Variants in SYT16 observed in about 807,000 individuals in gnomAD.
The protein encoded by SYT16 is synaptotagmin-16.
Under a neutral mutation model 61.4 loss-of-function variants are expected in SYT16, and 42 were observed. The observed-to-expected ratio is 0.68, with a 90% confidence interval of 0.53 to 0.89. The LOEUF (loss-of-function observed/expected upper bound fraction) is 0.89. Ranked by LOEUF, SYT16 falls within the 40% of genes least tolerant of loss-of-function variation. SYT16 has a pLI of 0.00. For missense variants in SYT16, 804 were observed against 807.3 expected, an observed-to-expected ratio of 1.00 and a Z score of 0.05; for synonymous variants, 314 against 302.3, an observed-to-expected ratio of 1.04 and a Z score of -0.40.
intron 1 of SYT16, among the ~76,000 whole-genome samples, chr14:61,906,996 C>T (rs1356084100): frequency 6.6e-6 from 1 of 152,100 alleles, no homozygotes; most frequent in Non-Finnish European, 1.5e-5. Context: ...TTATTCATAC[C>T]CTGTGCTAGA....
chr14:61,925,452 AT>A (rs998706125), intron 1 of SYT16, among the ~76,000 whole-genome samples: 81 of 152,212 alleles, frequency 5.3e-4, no homozygotes, highest in African/African-American at 1.8e-3. Context: ...GTGTATTAGC[AT>A]TTGCTTTTAA....
intron 3 of SYT16, among the ~76,000 whole-genome samples, chr14:62,054,116 A>C (rs1434292985): frequency 6.6e-6 from 1 of 152,208 alleles, no homozygotes; most frequent in East Asian, 1.9e-4. Flanking sequence ...TCTTGTCAGC[A>C]TGTGTGTGAT....
rs2057606304 is a variant in SYT16 at position 62,111,407 on chromosome 14, T to C, written c.*10700T>C. On this transcript the variant is annotated 3_prime_UTR_variant, in exon 8 of 8. Transcript: ENST00000683842. ...TACTCACAGCTGGATGCTGCAGATG[T>C]ATTAACATTGTAAACATGTACTTTT... The C allele has an allele frequency of 6.6e-6, 1 of 152,130 alleles. No homozygotes were observed. Among genetic ancestry groups the C allele is most frequent in the Non-Finnish European group, 1.5e-5 (1 of 67,964 alleles). The allele number at this position is 152,130 out of a possible 1,614,324, so 9.4% of individuals were successfully genotyped here.
intron 1 of SYT16, among the ~76,000 whole-genome samples, chr14:61,914,123 T>C (rs1006805095): frequency 1.3e-5 from 2 of 152,260 alleles, no homozygotes; most frequent in East Asian, 3.9e-4. Context: ...GAGTTATAAT[T>C]TGTTCAGTTT....
chr14:61,839,707 T>C (rs1830309926), intron 1 of SYT16, among the ~76,000 whole-genome samples: 2 of 152,170 alleles, frequency 1.3e-5, no homozygotes, highest in Non-Finnish European at 2.9e-5. Context: ...TTTGACCTCA[T>C]TTGAAAAGCC....
In SYT16 at chr14:61,996,373, C is replaced by T. The variant is rs897781206; in HGVS notation, c.354C>T (p.Ser118=). 1 of 1,613,436 alleles carries T rather than the reference C, an allele frequency of 6.2e-7. No individual in the cohort carries two copies. The highest frequency in any genetic ancestry group is 1.3e-5 in the African/African-American group (1 of 74,896). Residue 118 remains serine, a synonymous_variant, in exon 3 of 8, where the codon TCC becomes TCT. Transcript: ENST00000683842. ...SLSQHAKDSC[S]TMSQWPNWAS... is the part of the protein sequence containing the mutation. ...GCCAACATGCAAAGGACTCATGTTC[C>T]ACAATGTCCCAGTGGCCCAATTGGG...
intron 3 of SYT16, among the ~76,000 whole-genome samples, chr14:62,051,640 T>C (rs1361725840): frequency 6.6e-6 from 1 of 152,250 alleles, no homozygotes; most frequent in African/African-American, 2.4e-5. Context: ...CTTTTTAAAA[T>C]TGCATAGTTG....
rs989047544 is a variant in SYT16 at position 62,111,457 on chromosome 14, A to G, written c.*10750A>G. 1.3e-5 allele frequency: 2 copies of G among 151,190 alleles called. No homozygotes were observed. The highest frequency in any genetic ancestry group is 6.6e-5 in the Admixed American group (1 of 15,244). 9.4% of individuals were successfully genotyped at this position (151,190 alleles called of 1,614,324 possible). Reference sequence around the variant, plus strand: ...TTCTATTCTATGCTTACTTTAATACATTATTTATATGTGCTAGACTGTGCT... The same window carrying G: ...TTCTATTCTATGCTTACTTTAATACGTTATTTATATGTGCTAGACTGTGCT... On this transcript the variant is annotated 3_prime_UTR_variant, in exon 8 of 8. Coordinates refer to ENST00000683842, the MANE Select transcript of SYT16 (RefSeq NM_001367656.1).
chr14:61,892,537 C>T (rs1029965084), intron 1 of SYT16, among the ~76,000 whole-genome samples: 3 of 152,142 alleles, frequency 2.0e-5, no homozygotes, highest in South Asian at 2.1e-4. Context: ...GACTCTCCTC[C>T]GTGGTGACCT....
chr14:61,921,213 G>A (rs951229257), intron 1 of SYT16, among the ~76,000 whole-genome samples: 3 of 152,198 alleles, frequency 2.0e-5, no homozygotes, highest in African/African-American at 7.2e-5. Flanking sequence ...CTGAATAAAT[G>A]CTCCTGTTTT....
rs137880362 is a variant in SYT16, at chr14:62,067,800, A to AAAAC, written c.524-1779_524-1776dup. On this transcript the variant is annotated intron_variant, in intron 3 of 7. Transcript: ENST00000683842. ...AACATGGTGAAACCCTGTCTCTACT[A>AAAAC]AAACAAACAAACAAACAAACAAACA... is the stretch of plus-strand genomic sequence containing the variant. Among the ~76,000 whole-genome samples the AAAAC allele has an allele frequency of 3.4e-3, 520 of 151,738 alleles. 1 individual carries two copies. The highest frequency in any genetic ancestry group is 5.2e-3 in the Admixed American group (79 of 15,276).
chr14:62,073,051 C>T (rs949700402), intron 4 of SYT16, among the ~76,000 whole-genome samples: 1 of 152,114 alleles, frequency 6.6e-6, no homozygotes, highest in African/African-American at 2.4e-5. Context: ...AAAGGTGAAT[C>T]ACCTTTCCCT....
chr14:61,956,149 T>C (rs1234677188), intron 1 of SYT16, among the ~76,000 whole-genome samples: 1 of 152,056 alleles, frequency 6.6e-6, no homozygotes, highest in South Asian at 2.1e-4. Flanking sequence ...TTGGGTTATT[T>C]GGTATGTTTG....
intron 1 of SYT16, among the ~76,000 whole-genome samples, chr14:61,957,604 A>G (rs1253358981): frequency 3.9e-5 from 6 of 151,940 alleles, no homozygotes; most frequent in Non-Finnish European, 8.8e-5. Flanking sequence ...GGCATATTTC[A>G]TGGATTGATT....
intron 3 of SYT16, among the ~76,000 whole-genome samples, chr14:62,050,326 G>A (rs973799888): frequency 1.8e-4 from 27 of 152,218 alleles, no homozygotes; most frequent in African/African-American, 6.0e-4. Context: ...GCTCCATCAG[G>A]TCTTTTAAGG....
intron 3 of SYT16, among the ~76,000 whole-genome samples, chr14:62,011,527 T>C (rs1201770985): frequency 6.6e-6 from 1 of 152,166 alleles, no homozygotes; most frequent in South Asian, 2.1e-4. Flanking sequence ...GATGTTCTGA[T>C]TGGCCAGGCC....
rs758470943 is a variant in SYT16 at position 62,080,892 on chromosome 14, G to A, written c.1052G>A (p.Cys351Tyr). ...GGGGTCTCAGAGCCCATCTCAAAGT[G>A]TGGTGACCTAGATGTCATCTTTGAA... ...PSGVSEPISK[C>Y]GDLDVIFEYR... is the part of the protein sequence containing the mutation. Residue 351 changes from cysteine (C) to tyrosine (Y), a missense_variant, in exon 6 of 8, where the codon TGT (cysteine) becomes TAT (tyrosine). Cys to Tyr is a radical substitution (Grantham distance 194). Coordinates refer to ENST00000683842, the MANE Select transcript of SYT16 (RefSeq NM_001367656.1). 6.7e-5 allele frequency: 108 copies of A among 1,604,950 alleles called. No individual in the cohort carries two copies. The highest frequency in any genetic ancestry group is 8.5e-5 in the Non-Finnish European group (100 of 1,175,650).
intron 2 of SYT16, among the ~76,000 whole-genome samples, chr14:61,990,704 G>A (rs919430724): frequency 6.6e-6 from 1 of 152,066 alleles, no homozygotes; most frequent in African/African-American, 2.4e-5. Flanking sequence ...TTCTTAGGTC[G>A]TAACTGTCCC....
chr14:61,847,395 T>C (rs1037767554), intron 1 of SYT16, among the ~76,000 whole-genome samples: 1 of 152,208 alleles, frequency 6.6e-6, no homozygotes, highest in Non-Finnish European at 1.5e-5. Flanking sequence ...ACCTGTATGG[T>C]TTTCACTGAA....
Sources: allele counts gnomAD v4.1 joint callset (sites outside exome capture counted in the v4.1 genomes callset), GRCh38; gene constraint gnomAD v4.1.1; transcripts MANE v1.5; gene names NCBI Gene and HGNC (gene_info 2026-07-23, HGNC 2026-07-21).